The following CLIP4 variants were observed in gnomAD, a reference collection of about 807,000 sequenced individuals.
CLIP4 encodes the protein CAP-Gly domain containing linker protein family member 4.
CLIP4 carries 47 observed loss-of-function variants against 73.1 expected under a neutral mutation model. The ratio of observed to expected loss-of-function variants is 0.64; its 90% confidence interval spans 0.51 to 0.82. The LOEUF is 0.82. Among genes scored for constraint, CLIP4 ranks in the 40% least tolerant of loss-of-function variants. The pLI is 0.00. For synonymous variants in CLIP4, 306 were observed against 295.4 expected (o/e 1.04, Z -0.37); for missense variants, 874 against 852.9 (o/e 1.02, Z -0.31).
intron 8 of CLIP4, among the ~76,000 whole-genome samples, chr2:29,150,462 A>T (rs1044611071): frequency 6.6e-6 from 1 of 152,162 alleles, no homozygotes. Context: ...AACATAATTT[A>T]TTGAACATTA....
intron 2 of CLIP4, chr2:29,130,696 A>G: frequency 8.7e-7 from 1 of 1,144,934 alleles, no homozygotes; most frequent in South Asian, 1.9e-5. Context: ...CTTCTGATGG[A>G]CTGCTGCTCT....
chr2:29,142,911 A>G (rs990276048), intron 6 of CLIP4, among the ~76,000 whole-genome samples: 31 of 152,246 alleles, frequency 2.0e-4, no homozygotes, highest in Admixed American at 3.3e-4. Flanking sequence ...TACCATGCAA[A>G]TGACCGTGGG....
intron 6 of CLIP4, among the ~76,000 whole-genome samples, chr2:29,142,563 A>T (rs551120841): frequency 2.0e-5 from 3 of 152,184 alleles, no homozygotes; most frequent in African/African-American, 7.2e-5. Flanking sequence ...GAAATCTGGG[A>T]TTAGAAGAGT....
At chr2:29,100,374 T>G (rs1001892067) in intron 1 of CLIP4, among the ~76,000 whole-genome samples, 1 of 152,184 alleles carries the variant, frequency 6.6e-6, no homozygotes, top group African/African-American at 2.4e-5. Flanking sequence ...TAGACTTTAT[T>G]TTTAAGTTTA....
chr2:29,142,663 C>G (rs139595054), intron 6 of CLIP4, among the ~76,000 whole-genome samples: 1 of 152,090 alleles, frequency 6.6e-6, no homozygotes, highest in African/African-American at 2.4e-5. Context: ...CAAAAAAATG[C>G]GAAGCAATTG....
chr2:29,139,437 A>G (rs1161508282), intron 6 of CLIP4, among the ~76,000 whole-genome samples: 1 of 152,008 alleles, frequency 6.6e-6, no homozygotes, highest in Non-Finnish European at 1.5e-5. Context: ...ATTGGCCTGT[A>G]GTTTTCTTTT....
chr2:29,110,808 C>G (rs1277383977), upstream of CLIP4, among the ~76,000 whole-genome samples: 1 of 152,176 alleles, frequency 6.6e-6, no homozygotes, highest in African/African-American at 2.4e-5. Flanking sequence ...CCTGCCTCAG[C>G]CTCCCAAGAA....
At chr2:29,145,122 TTGAG>T in intron 7 of CLIP4, 106 bp from the exon 8 acceptor site, 1 of 860,978 alleles carries the variant, frequency 1.2e-6, no homozygotes, top group Non-Finnish European at 1.7e-6. Flanking sequence ...AAAATTCACT[TTGAG>T]AGAGTGAATT....
intron 8 of CLIP4, among the ~76,000 whole-genome samples, chr2:29,146,484 A>G (rs1039370627): frequency 9.9e-5 from 15 of 152,170 alleles, no homozygotes; most frequent in Admixed American, 3.3e-4. Flanking sequence ...ATTCTTTCTG[A>G]CATGTTTAGG....
chr2:29,181,971 T>A lies in CLIP4; in HGVS notation c.*78T>A. The A allele has an allele frequency of 8.0e-7, 1 of 1,247,764 alleles. No individual in the cohort carries two copies. Among genetic ancestry groups the A allele is most frequent in the Non-Finnish European group, 1.1e-6 (1 of 911,616 alleles). The allele number at this position is 1,247,764 out of a possible 1,614,324, so 77.3% of individuals were successfully genotyped here. A position where few individuals can be genotyped will look rare whatever the true frequency, so the allele number is the denominator to read the frequency against. On this transcript the variant is annotated 3_prime_UTR_variant, in exon 16 of 16. Coordinates refer to ENST00000320081, the MANE Select transcript of CLIP4 (RefSeq NM_024692.6). The stretch of plus-strand genomic sequence containing the variant: ...GTCCATGGTAAATGGTTTACTTTAT[T>A]TAGCCATATTAAAATTTTGAAAATA...
chr2:29,108,317 T>A (rs897646530), intron 1 of CLIP4, among the ~76,000 whole-genome samples: 2 of 152,192 alleles, frequency 1.3e-5, no homozygotes, highest in South Asian at 4.1e-4. Flanking sequence ...ACACAAGCAC[T>A]GGATGGCCTG....
chr2:29,173,683 C>G (rs1465082740), intron 14 of CLIP4, among the ~76,000 whole-genome samples: 2 of 152,186 alleles, frequency 1.3e-5, no homozygotes, highest in African/African-American at 4.8e-5. Flanking sequence ...TCAAAAGATT[C>G]ATTCAGCACG....
chr2:29,158,347 A>C (rs1336713593), intron 11 of CLIP4, among the ~76,000 whole-genome samples: 1 of 146,126 alleles, frequency 6.8e-6, no homozygotes, highest in African/African-American at 2.5e-5. Flanking sequence ...TGATTTTAAA[A>C]TTTATACATG....
chr2:29,133,092 G>T (rs750792908), intron 4 of CLIP4, among the ~76,000 whole-genome samples: 7 of 152,154 alleles, frequency 4.6e-5, no homozygotes, highest in Admixed American at 3.3e-4. Flanking sequence ...CGAGGCCGAG[G>T]TGGGAGGATC....
chr2:29,129,340 A>G (rs1471294932), intron 2 of CLIP4, among the ~76,000 whole-genome samples: 1 of 152,118 alleles, frequency 6.6e-6, no homozygotes, highest in Non-Finnish European at 1.5e-5. Context: ...CTTGAAAAGC[A>G]TTTGGATTAG....
At chr2:29,123,647 A>G (rs1664409789) in intron 2 of CLIP4, among the ~76,000 whole-genome samples, 1 of 152,222 alleles carries the variant, frequency 6.6e-6, no homozygotes. Context: ...TATCCTAAGA[A>G]TTAATGGAAG....
chr2:29,147,161 A>G (rs2148007178), intron 8 of CLIP4, among the ~76,000 whole-genome samples: 1 of 152,264 alleles, frequency 6.6e-6, no homozygotes, highest in Admixed American at 6.5e-5. Context: ...CCAATTTGAC[A>G]GATGAAAATT....
At chr2:29,112,258 T>G (rs1240741619), upstream of CLIP4, among the ~76,000 whole-genome samples, 1 of 152,258 alleles carries the variant, frequency 6.6e-6, no homozygotes, top group Non-Finnish European at 1.5e-5. Context: ...TTATATATTT[T>G]GTAAGTTTGT....
chr2:29,106,068 T>TC lies in CLIP4; in HGVS notation c.-16+8121_-16+8122insC, dbSNP rs968353895. 1.6e-4 allele frequency among the ~76,000 whole-genome samples: 24 copies of TC among 152,262 alleles called. No individual in the cohort carries two copies. In the East Asian group the frequency reaches 3.5e-3, roughly 22 times the overall value. On this transcript the variant is annotated intron_variant, in intron 1 of 14. Coordinates refer to the CLIP4 transcript ENST00000401605. Reference sequence around the variant, plus strand: ...TTTAGCATTTAATCTTTTTTTTTTTTTTGAGACAGCATTTAATCTTTGGAT... The same window carrying TC: ...TTTAGCATTTAATCTTTTTTTTTTTTCTTGAGACAGCATTTAATCTTTGGAT...
Sources: gnomAD v4.1 joint callset for allele counts (sites outside exome capture counted in the v4.1 genomes callset) on GRCh38, gnomAD v4.1.1 for gene constraint, MANE v1.5 for transcripts, NCBI Gene and HGNC (gene_info 2026-07-23, HGNC 2026-07-21) for gene names.